The following SYNDIG1 variants were observed in gnomAD, a reference collection of about 807,000 sequenced individuals.
The protein encoded by SYNDIG1 is synapse differentiation inducing 1, also known as synapse differentiation-inducing gene protein 1.
A neutral mutation model predicts 19.4 loss-of-function variants in SYNDIG1; 9 were observed. The observed-to-expected ratio is 0.46, with a 90% CI of 0.28 to 0.81. The LOEUF (loss-of-function observed/expected upper bound fraction) is 0.81. Ranked by LOEUF, SYNDIG1 falls within the 30% of genes least tolerant of loss-of-function variation. SYNDIG1 has a pLI of 0.12. For missense variants in SYNDIG1, 311 were observed against 343.3 expected (o/e 0.91, Z 0.74); for synonymous variants, 141 against 145.9 (o/e 0.97, Z 0.24).
At chr20:24,547,140 G>A (rs1411634695) in intron 2 of SYNDIG1, among the ~76,000 whole-genome samples, 3 of 152,004 alleles carry the variant, frequency 2.0e-5, no homozygotes, top group Non-Finnish European at 4.4e-5. Context: ...CCCCCTCATT[G>A]CCCTGGTTCA....
chr20:24,589,200 C>G (rs960261239), intron 3 of SYNDIG1, among the ~76,000 whole-genome samples: 13 of 152,266 alleles, frequency 8.5e-5, no homozygotes, highest in Middle Eastern at 3.4e-3. Flanking sequence ...CTAGTTAATG[C>G]ACACACTTTA....
intron 3 of SYNDIG1, among the ~76,000 whole-genome samples, chr20:24,601,665 A>G (rs1433812749): frequency 6.6e-6 from 1 of 152,222 alleles, no homozygotes; most frequent in Non-Finnish European, 1.5e-5. Flanking sequence ...ACAGACAGAA[A>G]GAAATACTTC....
intron 2 of SYNDIG1, among the ~76,000 whole-genome samples, chr20:24,554,618 G>A (rs139565497): frequency 0.067 from 10,266 of 152,138 alleles, 570 homozygotes; most frequent in African/African-American, 0.15. Context: ...ATTCATTTGC[G>A]TGTATTGAAC....
intron 1 of SYNDIG1, among the ~76,000 whole-genome samples, chr20:24,516,791 C>A (rs2056875991): frequency 6.6e-6 from 1 of 152,110 alleles, no homozygotes; most frequent in African/African-American, 2.4e-5. Flanking sequence ...CTAGAAATAC[C>A]ATTTGACCCA....
At chr20:24,577,464 A>AT (rs1568655996) in intron 2 of SYNDIG1, among the ~76,000 whole-genome samples, 1 of 152,224 alleles carries the variant, frequency 6.6e-6, no homozygotes, top group Non-Finnish European at 1.5e-5. Context: ...CATGGCTCAC[A>AT]TCTCAGACAC....
At chr20:24,654,071 G>A (rs138405880) in intron 3 of SYNDIG1, among the ~76,000 whole-genome samples, 6 of 152,324 alleles carry the variant, frequency 3.9e-5, no homozygotes, top group Non-Finnish European at 7.4e-5. Flanking sequence ...AATGTACAAT[G>A]TATGCTGTTG....
intron 2 of SYNDIG1, among the ~76,000 whole-genome samples, chr20:24,545,458 G>A (rs2057557571): frequency 6.6e-6 from 1 of 151,958 alleles, no homozygotes; most frequent in African/African-American, 2.4e-5. Flanking sequence ...CGCATGGAGT[G>A]GAATTAGAGA....
At chr20:24,479,798 G>A (rs530367474) in intron 1 of SYNDIG1, among the ~76,000 whole-genome samples, 41 of 152,232 alleles carry the variant, frequency 2.7e-4, no homozygotes, top group African/African-American at 9.6e-4. Context: ...CCTCTGGGGC[G>A]CTCCTCTCGA....
chr20:24,515,994 C>T (rs1418434427), intron 1 of SYNDIG1, among the ~76,000 whole-genome samples: 2 of 151,110 alleles, frequency 1.3e-5, no homozygotes, highest in South Asian at 2.1e-4. Flanking sequence ...AACAGAGATA[C>T]AGACCAATGG....
At chr20:24,579,940 C>G (rs2058294388) in intron 2 of SYNDIG1, among the ~76,000 whole-genome samples, 1 of 152,104 alleles carries the variant, frequency 6.6e-6, no homozygotes, top group Non-Finnish European at 1.5e-5. Flanking sequence ...AAAATATTCC[C>G]AGGAAGAAAA....
At chr20:24,663,457 C>T (rs537950585) in intron 3 of SYNDIG1, among the ~76,000 whole-genome samples, 3 of 152,278 alleles carry the variant, frequency 2.0e-5, no homozygotes, top group East Asian at 3.9e-4. Flanking sequence ...GAGTCAGCCC[C>T]GTGCCACTGC....
chr20:24,483,644 A>T (rs8118221), intron 1 of SYNDIG1, among the ~76,000 whole-genome samples: 7,218 of 152,306 alleles, frequency 0.047, 534 homozygotes, highest in African/African-American at 0.16. Flanking sequence ...GTGTGCACGC[A>T]CCTGCCTGCG....
At chr20:24,611,734 C>T (rs1476894563) in intron 3 of SYNDIG1, among the ~76,000 whole-genome samples, 1 of 152,212 alleles carries the variant, frequency 6.6e-6, no homozygotes, top group Non-Finnish European at 1.5e-5. Context: ...CTCTCCCAGG[C>T]CCTTCCTTAT....
At chr20:24,592,969 T>A (rs2058537051) in intron 3 of SYNDIG1, among the ~76,000 whole-genome samples, 1 of 152,070 alleles carries the variant, frequency 6.6e-6, no homozygotes, top group African/African-American at 2.4e-5. Context: ...AAAGTTGAGG[T>A]CAGTAAATCA....
At chr20:24,560,860 G>C (rs1600630534) in intron 2 of SYNDIG1, among the ~76,000 whole-genome samples, 1 of 145,324 alleles carries the variant, frequency 6.9e-6, no homozygotes, top group Admixed American at 7.2e-5. Flanking sequence ...ATTGTTACTT[G>C]GTGTTTCTAA....
At position 24,507,781 on chromosome 20, in the gene SYNDIG1, C is replaced by G. The variant is rs1278731189; in HGVS notation, c.-78-35239C>G. Among the ~76,000 whole-genome samples, 5 of 152,244 alleles carry G rather than the reference C, an allele frequency of 3.3e-5. No homozygotes were observed. The East Asian group carries it at 9.6e-4, about 29-fold the overall frequency. On this transcript the variant is annotated intron_variant, in intron 1 of 3. Coordinates refer to ENST00000376862, the MANE Select transcript of SYNDIG1 (RefSeq NM_024893.3). The stretch of plus-strand genomic sequence containing the variant: ...GAAGAGAAGCAGGCAGCAGGGGCCT[C>G]CTGCGGCCATCTGTTTCCTCCTGTC...
At chr20:24,566,357 C>T (rs968981330) in intron 2 of SYNDIG1, among the ~76,000 whole-genome samples, 2 of 152,100 alleles carry the variant, frequency 1.3e-5, no homozygotes, top group African/African-American at 4.8e-5. Context: ...ATAAATGAAA[C>T]TATCAGAGAA....
intron 3 of SYNDIG1, among the ~76,000 whole-genome samples, chr20:24,627,892 C>T (rs187569245): frequency 3.3e-5 from 5 of 152,320 alleles, no homozygotes; most frequent in Admixed American, 2.0e-4. Flanking sequence ...AGTCACTTGG[C>T]GGAGATCCTC....
intron 3 of SYNDIG1, among the ~76,000 whole-genome samples, chr20:24,606,280 AGGCTGTGGTTAGTGGGATG>A (rs1463334770): frequency 1.2e-4 from 18 of 152,238 alleles, no homozygotes; most frequent in Admixed American, 7.2e-4. Context: ...TGTGGCTATG[AGGCTGTGGTTAGTGGGATG>A]TCCCTGCCTC....
Sources: gnomAD v4.1 joint callset for allele counts (sites outside exome capture counted in the v4.1 genomes callset) on GRCh38, gnomAD v4.1.1 for gene constraint, MANE v1.5 for transcripts, NCBI Gene and HGNC (gene_info 2026-07-23, HGNC 2026-07-21) for gene names.